The following CDC42 variants were observed in gnomAD, a reference collection of about 807,000 sequenced individuals.
The protein encoded by CDC42 is cell division cycle 42.
CDC42 carries 1 observed loss-of-function variant against 20.8 expected under a neutral mutation model. The observed-to-expected ratio is 0.05, with a 90% CI of 0.02 to 0.23. The LOEUF (loss-of-function observed/expected upper bound fraction) is 0.23, where lower values mean the gene tolerates loss of function less well. Among genes scored for constraint, CDC42 ranks in the 10% least tolerant of loss-of-function variants. The pLI, the probability that CDC42 is intolerant of heterozygous loss-of-function variation, is 1.00. For missense variants in CDC42, 49 were observed against 227.9 expected (o/e 0.21, Z 5.05); for synonymous variants, 72 against 84.8 (o/e 0.85, Z 0.83).
chr1:22,071,296 G>A (rs1003794724), intron 1 of CDC42, among the ~76,000 whole-genome samples: 7 of 151,988 alleles, frequency 4.6e-5, no homozygotes, highest in African/African-American at 1.4e-4. Context: ...CATCCGCCTC[G>A]GCCTCCCAAA....
intron 1 of CDC42, among the ~76,000 whole-genome samples, chr1:22,064,808 C>T (rs909629567): frequency 3.9e-5 from 6 of 152,038 alleles, no homozygotes; most frequent in Non-Finnish European, 8.8e-5. Flanking sequence ...TCCTGAGTAG[C>T]TGGGATTAAA....
At chr1:22,078,650 T>C (rs1645576152) in intron 2 of CDC42, 67 bp downstream of exon 2, 1 of 1,553,460 alleles carries the variant, frequency 6.4e-7, no homozygotes, top group Admixed American at 1.9e-5. Context: ...GAAAACGCTT[T>C]CTCTATGTGT....
In CDC42 at chr1:22,096,299, T is replaced by C. The variant is rs1645758165; in HGVS notation, c.*4782T>C. Among the ~76,000 whole-genome samples the C allele has an allele frequency of 1.1e-4, 2 of 18,124 alleles. No individual in the cohort carries two copies. Among genetic ancestry groups the C allele is most frequent in the African/African-American group, 1.8e-3 (2 of 1,092 alleles). The allele number at this position is 18,124 out of a possible 152,430, so 11.9% of individuals were successfully genotyped here. A position where few individuals can be genotyped will look rare whatever the true frequency, so the allele number is the denominator to read the frequency against. ...ACAGTGAATTAGTAAATTCAACAAA[T>C]AGGTTTTTTTAAAGCAATTAAGGCA... is the stretch of plus-strand genomic sequence containing the variant. On this transcript the variant is annotated 3_prime_UTR_variant, in exon 6 of 6. Transcript: ENST00000656825.
intron 1 of CDC42, among the ~76,000 whole-genome samples, chr1:22,055,377 A>G (rs1441652842): frequency 6.7e-6 from 1 of 149,424 alleles, no homozygotes; most frequent in Non-Finnish European, 1.5e-5. Context: ...TTATACTCTT[A>G]AAATGTTTTC....
chr1:22,064,637 A>G (rs2152827639), intron 1 of CDC42, among the ~76,000 whole-genome samples: 1 of 150,588 alleles, frequency 6.6e-6, no homozygotes, highest in African/African-American at 2.4e-5. Context: ...ATTGACTTTC[A>G]CTTTGATGGA....
In CDC42 at chr1:22,099,768, CCTT is replaced by C. The variant is rs758886289; in HGVS notation, c.*8255_*8257del. ...GCCTTTGCCCATTGTGTCATTTGGTCCTTCTTAAAATTTGAGTGTTTATTCTCT... is the reference window on the plus strand; with the variant it reads ...GCCTTTGCCCATTGTGTCATTTGGTCCTTAAAATTTGAGTGTTTATTCTCT... On this transcript the variant is annotated 3_prime_UTR_variant, in exon 6 of 6. Transcript: ENST00000656825. Among the ~76,000 whole-genome samples the C allele has an allele frequency of 2.3e-4, 35 of 152,120 alleles. No homozygotes were observed. Among genetic ancestry groups the C allele is most frequent in the Non-Finnish European group, 4.0e-4 (27 of 68,008 alleles).
rs963716694 is a variant in CDC42 at position 22,052,732 on chromosome 1, G to A, written c.-61G>A. 6.5e-6 allele frequency: 1 copy of A among 152,856 alleles called. No individual in the cohort carries two copies. 9.5% of individuals were successfully genotyped at this position (152,856 alleles called of 1,614,324 possible). A position where few individuals can be genotyped will look rare whatever the true frequency, so the allele number is the denominator to read the frequency against. ...GCGCAGTGCTGCCAACGCCCCGGTG[G>A]AGAAGCTGAGGTGAGTGCGGGGCCC... is the stretch of plus-strand genomic sequence containing the variant. On this transcript the variant is annotated 5_prime_UTR_variant, in exon 1 of 6. Transcript: ENST00000656825.
intron 1 of CDC42, among the ~76,000 whole-genome samples, chr1:22,062,398 G>C (rs2473324): frequency 0.95 from 144,055 of 152,276 alleles, 68,230 homozygotes; most frequent in East Asian, 1. Flanking sequence ...GAAAGGTTCT[G>C]AATTTGTCAC....
intron 1 of CDC42, among the ~76,000 whole-genome samples, chr1:22,071,181 C>T (rs540553947): frequency 6.6e-5 from 10 of 150,892 alleles, no homozygotes; most frequent in Non-Finnish European, 1.3e-4. Flanking sequence ...GTAGCTGGGA[C>T]TACAGGCGCC....
chr1:22,085,935 T>G (rs972183901), intron 3 of CDC42, among the ~76,000 whole-genome samples: 2 of 152,194 alleles, frequency 1.3e-5, no homozygotes, highest in African/African-American at 4.8e-5. Flanking sequence ...AACCTCCGCC[T>G]TCTGGGTTCA....
chr1:22,084,690 T>C (rs1388030715), intron 3 of CDC42, among the ~76,000 whole-genome samples: 2 of 152,290 alleles, frequency 1.3e-5, no homozygotes, highest in East Asian at 3.9e-4. Flanking sequence ...GTCTATTTTT[T>C]GGTGGTTTGG....
rs928466854 is a variant in CDC42, at chr1:22,092,398, A to G, written c.*881A>G. 2 of 152,634 alleles carry G rather than the reference A, an allele frequency of 1.3e-5. No homozygotes were observed. The highest frequency in any genetic ancestry group is 2.9e-5 in the Non-Finnish European group (2 of 68,042). The allele number at this position is 152,634 out of a possible 1,614,324, so 9.5% of individuals were successfully genotyped here. A position where few individuals can be genotyped will look rare whatever the true frequency, so the allele number is the denominator to read the frequency against. On this transcript the variant is annotated 3_prime_UTR_variant, in exon 6 of 6. Coordinates refer to ENST00000656825, the MANE Select transcript of CDC42 (RefSeq NM_001791.4). ...AATGAATTGAGTTTGTAATTAAAAA[A>G]ATTTTTTTCCCTTTCAGTCATTGTC... is the stretch of plus-strand genomic sequence containing the variant.
At chr1:22,078,037 G>A (rs1645570071) in intron 1 of CDC42, among the ~76,000 whole-genome samples, 1 of 152,174 alleles carries the variant, frequency 6.6e-6, no homozygotes, top group African/African-American at 2.4e-5. Flanking sequence ...TTGTATTGCA[G>A]TCTAGTTGAC....
chr1:22,058,633 C>T (rs1645329556), intron 1 of CDC42, among the ~76,000 whole-genome samples: 1 of 151,890 alleles, frequency 6.6e-6, no homozygotes, highest in Non-Finnish European at 1.5e-5. Context: ...CAGGCATGTG[C>T]CAGCATGCCT....
intron 5 of CDC42, among the ~76,000 whole-genome samples, chr1:22,089,200 A>G (rs536122329): frequency 1.3e-5 from 2 of 152,336 alleles, no homozygotes; most frequent in East Asian, 3.9e-4. Flanking sequence ...ACCAATGCTG[A>G]GTCACACTGT....
At chr1:22,070,030 C>T (rs887680435) in intron 1 of CDC42, among the ~76,000 whole-genome samples, 24 of 152,062 alleles carry the variant, frequency 1.6e-4, no homozygotes, top group African/African-American at 1.7e-4. Flanking sequence ...TCAAGCAATC[C>T]ACCTTCCTTG....
At chr1:22,086,381 C>T in intron 3 of CDC42, 58 bp from the exon 4 acceptor site, 4 of 1,167,630 alleles carry the variant, frequency 3.4e-6, no homozygotes, top group Non-Finnish European at 5.0e-6. Context: ...GCTTTTAACA[C>T]TTTGAGGACA....
chr1:22,086,592 A>T, intron 4 of CDC42, 44 bp downstream of exon 4: 1 of 1,582,778 alleles, frequency 6.3e-7, no homozygotes. Flanking sequence ...TCATCTCAGA[A>T]TTTCTACTGA....
intron 5 of CDC42, chr1:22,090,230 G>T (rs1428476921): frequency 3.2e-6 from 4 of 1,265,840 alleles, no homozygotes; most frequent in Non-Finnish European, 4.0e-6. Context: ...AGTCAAGTTG[G>T]ACTTGTTTTA....
Sources: allele counts gnomAD v4.1 joint callset (sites outside exome capture counted in the v4.1 genomes callset), GRCh38; gene constraint gnomAD v4.1.1; transcripts MANE v1.5; gene names NCBI Gene and HGNC (gene_info 2026-07-23, HGNC 2026-07-21).